The following ERBB4 variants were observed in gnomAD, a reference collection of about 807,000 sequenced individuals.
ERBB4 encodes the protein receptor tyrosine-protein kinase erbB-4.
In ERBB4, 42 loss-of-function variants were observed where a neutral mutation model predicts 158.0. The ratio of observed to expected loss-of-function variants is 0.27; its 90% CI spans 0.21 to 0.34. ERBB4 has a LOEUF of 0.34. Ranked by LOEUF, ERBB4 falls within the 10% of genes least tolerant of loss-of-function variation. The pLI is 1.00. For missense variants in ERBB4, 1,333 were observed against 1,624.1 expected (o/e 0.82, Z 3.08); for synonymous variants, 583 against 558.7 (o/e 1.04, Z -0.61).
chr2:212,415,207 C>T (rs997378109), intron 1 of ERBB4, among the ~76,000 whole-genome samples: 3 of 152,052 alleles, frequency 2.0e-5, no homozygotes, highest in African/African-American at 7.2e-5. Flanking sequence ...TACTTTGGGT[C>T]TGTAATTTGA....
intron 20 of ERBB4, chr2:211,535,846 T>C (rs1417761522): frequency 2.6e-5 from 4 of 152,076 alleles, no homozygotes; most frequent in African/African-American, 9.7e-5. Context: ...TAAAAAACAT[T>C]GAAATATTTC....
At chr2:211,477,396 T>C (rs1422421636) in intron 20 of ERBB4, among the ~76,000 whole-genome samples, 5 of 152,092 alleles carry the variant, frequency 3.3e-5, no homozygotes, top group African/African-American at 1.2e-4. Context: ...TTTGTTTCTC[T>C]GGAGAACCCT....
At chr2:212,402,923 A>G (rs1290478455) in intron 1 of ERBB4, among the ~76,000 whole-genome samples, 1 of 152,118 alleles carries the variant, frequency 6.6e-6, no homozygotes, top group African/African-American at 2.4e-5. Flanking sequence ...ATACCAGCAT[A>G]TGTACTTTGT....
At chr2:211,409,117 G>A (rs910875689) in intron 25 of ERBB4, among the ~76,000 whole-genome samples, 7 of 151,838 alleles carry the variant, frequency 4.6e-5, no homozygotes, top group Admixed American at 4.6e-4. Context: ...ATGATTATTA[G>A]GCTTATATTT....
chr2:212,526,459 A>T (rs1692451768), intron 1 of ERBB4, among the ~76,000 whole-genome samples: 1 of 152,084 alleles, frequency 6.6e-6, no homozygotes, highest in Admixed American at 6.6e-5. Flanking sequence ...CCACTAAAGA[A>T]TTATATCTGA....
At chr2:212,235,055 C>T (rs1038527897) in intron 1 of ERBB4, among the ~76,000 whole-genome samples, 1 of 152,136 alleles carries the variant, frequency 6.6e-6, no homozygotes, top group Non-Finnish European at 1.5e-5. Context: ...TTACCCATGC[C>T]TATGTCCTGA....
intron 20 of ERBB4, among the ~76,000 whole-genome samples, chr2:211,515,843 T>G (rs1170946534): frequency 2.7e-5 from 4 of 147,478 alleles, no homozygotes; most frequent in African/African-American, 1.0e-4. Context: ...AGTATAAGGG[T>G]ATTTGCAGTC....
intron 1 of ERBB4, among the ~76,000 whole-genome samples, chr2:212,290,202 G>A (rs1438578612): frequency 6.6e-6 from 1 of 151,996 alleles, no homozygotes; most frequent in Admixed American, 6.6e-5. Context: ...GCAAAGAGTG[G>A]GGAATAAAAC....
chr2:211,778,449 A>G (rs984776978), intron 4 of ERBB4: 4 of 152,094 alleles, frequency 2.6e-5, no homozygotes, highest in Non-Finnish European at 2.9e-5. Context: ...CCGCCCACAC[A>G]TTCGTTATAA....
intron 3 of ERBB4, among the ~76,000 whole-genome samples, chr2:211,919,720 T>C (rs990595407): frequency 1.3e-5 from 2 of 152,060 alleles, no homozygotes; most frequent in Non-Finnish European, 2.9e-5. Flanking sequence ...ATTAGTGTTA[T>C]GGCACCTCAG....
intron 1 of ERBB4, among the ~76,000 whole-genome samples, chr2:212,387,170 G>A (rs368796903): frequency 2.0e-4 from 31 of 152,198 alleles, no homozygotes; most frequent in African/African-American, 7.5e-4. Context: ...AAGGAGTACG[G>A]TTATTTGTAT....
chr2:212,453,449 C>T (rs1285298460), intron 1 of ERBB4, among the ~76,000 whole-genome samples: 1 of 93,190 alleles, frequency 1.1e-5, no homozygotes, highest in African/African-American at 6.7e-5. Context: ...ATTTCCAAAA[C>T]AAATAACACA....
intron 2 of ERBB4, among the ~76,000 whole-genome samples, chr2:212,121,938 C>T (rs913393385): frequency 6.6e-6 from 1 of 151,958 alleles, no homozygotes; most frequent in Non-Finnish European, 1.5e-5. Context: ...TTCCTGAATC[C>T]TTTAGATAAC....
chr2:211,704,310 T>A, intron 10 of ERBB4, 116 bp from the exon 11 acceptor site: 1 of 727,724 alleles, frequency 1.4e-6, no homozygotes, highest in South Asian at 1.5e-5. Context: ...AAAGGGGTAG[T>A]GAACATTTCT....
intron 1 of ERBB4, among the ~76,000 whole-genome samples, chr2:212,383,899 A>G (rs2090590613): frequency 6.6e-6 from 1 of 151,642 alleles, no homozygotes; most frequent in South Asian, 2.1e-4. Context: ...TACATTTCCA[A>G]TGTCCTACAG....
At chr2:212,213,543 C>T (rs1411556863) in intron 1 of ERBB4, among the ~76,000 whole-genome samples, 1 of 151,872 alleles carries the variant, frequency 6.6e-6, no homozygotes, top group African/African-American at 2.4e-5. Flanking sequence ...AGCCCTCTCA[C>T]ATCATCCCAA....
At chr2:212,000,179 T>A (rs1159685701) in intron 2 of ERBB4, among the ~76,000 whole-genome samples, 1 of 151,870 alleles carries the variant, frequency 6.6e-6, no homozygotes, top group East Asian at 1.9e-4. Flanking sequence ...ATATATATTA[T>A]TTTGATATTC....
intron 1 of ERBB4, among the ~76,000 whole-genome samples, chr2:212,181,170 A>C (rs1262280104): frequency 6.6e-6 from 1 of 151,356 alleles, no homozygotes; most frequent in Non-Finnish European, 1.5e-5. Context: ...GCCTTTGACC[A>C]CTCTTCATCA....
chr2:212,063,192 T>G (rs2125427528), intron 2 of ERBB4, among the ~76,000 whole-genome samples: 1 of 152,302 alleles, frequency 6.6e-6, no homozygotes, highest in South Asian at 2.1e-4. Flanking sequence ...CATTTTACTT[T>G]ACAAAGAGTA....
Sources: gnomAD v4.1 joint callset for allele counts (sites outside exome capture counted in the v4.1 genomes callset) on GRCh38, gnomAD v4.1.1 for gene constraint, MANE v1.5 for transcripts, NCBI Gene and HGNC (gene_info 2026-07-23, HGNC 2026-07-21) for gene names.